Variants in ARHGEF28 observed in about 807,000 individuals in gnomAD.
ARHGEF28 encodes Rho guanine nucleotide exchange factor 28.
A neutral mutation model predicts 206.6 loss-of-function variants in ARHGEF28; 152 were observed. The observed-to-expected ratio is 0.74, with a 90% confidence interval of 0.64 to 0.84. ARHGEF28 has a LOEUF of 0.84. Ranked by LOEUF, ARHGEF28 falls within the 40% of genes least tolerant of loss-of-function variation. The probability of loss-of-function intolerance (pLI) is 0.00; values close to 1 mark genes in which losing one functional copy is unlikely to be tolerated. For missense variants in ARHGEF28, 2,028 were observed against 2,073.2 expected (o/e 0.98, Z 0.42); for synonymous variants, 763 against 776.4 (o/e 0.98, Z 0.29).
chr5:73,722,092 C>T (rs915718400), intron 2 of ARHGEF28, among the ~76,000 whole-genome samples: 4 of 152,142 alleles, frequency 2.6e-5, no homozygotes, highest in Non-Finnish European at 5.9e-5. Context: ...CAGTAGCACA[C>T]AGATATATCT....
chr5:73,800,390 CA>C (rs1211215641), intron 9 of ARHGEF28, among the ~76,000 whole-genome samples: 3 of 152,094 alleles, frequency 2.0e-5, no homozygotes, highest in Non-Finnish European at 4.4e-5. Flanking sequence ...TATTTCCCTC[CA>C]AACCCCCTTT....
At chr5:73,656,254 G>T (rs1745192362) in intron 1 of ARHGEF28, among the ~76,000 whole-genome samples, 1 of 152,190 alleles carries the variant, frequency 6.6e-6, no homozygotes, top group Non-Finnish European at 1.5e-5. Context: ...TTGGTGGGCA[G>T]AATAAAGCCC....
chr5:73,861,588 A>G (rs1334260402), intron 16 of ARHGEF28, among the ~76,000 whole-genome samples: 1 of 152,198 alleles, frequency 6.6e-6, no homozygotes, highest in Non-Finnish European at 1.5e-5. Context: ...ACATGCCACA[A>G]CACCCAGCTA....
chr5:73,768,552 C>T (rs1753041104), intron 4 of ARHGEF28, among the ~76,000 whole-genome samples: 1 of 152,088 alleles, frequency 6.6e-6, no homozygotes, highest in Non-Finnish European at 1.5e-5. Context: ...TTTGTTTTGG[C>T]CAATTTTTCC....
At chr5:73,631,091 C>G (rs1043305008) in intron 1 of ARHGEF28, among the ~76,000 whole-genome samples, 1 of 152,110 alleles carries the variant, frequency 6.6e-6, no homozygotes, top group Non-Finnish European at 1.5e-5. Context: ...CTGAAGAACC[C>G]CTCATGTAGA....
intron 1 of ARHGEF28, among the ~76,000 whole-genome samples, chr5:73,662,274 T>G (rs971023656): frequency 6.6e-6 from 1 of 152,230 alleles, no homozygotes; most frequent in African/African-American, 2.4e-5. Context: ...TAGTGTTGCT[T>G]TAGGAAACAC....
intron 9 of ARHGEF28, among the ~76,000 whole-genome samples, chr5:73,806,921 A>G (rs916267614): frequency 1.4e-5 from 2 of 147,588 alleles, no homozygotes; most frequent in South Asian, 2.1e-4. Context: ...TATAAAATCT[A>G]TATACAATAT....
At chr5:73,714,647 T>G (rs1749462712) in intron 2 of ARHGEF28, among the ~76,000 whole-genome samples, 2 of 152,236 alleles carry the variant, frequency 1.3e-5, no homozygotes, top group African/African-American at 4.8e-5. Context: ...ACTCTGTGTG[T>G]ATATATGCAT....
chr5:73,879,898 C>T (rs1189781147), intron 22 of ARHGEF28, among the ~76,000 whole-genome samples: 3 of 152,200 alleles, frequency 2.0e-5, no homozygotes, highest in Non-Finnish European at 4.4e-5. Flanking sequence ...CTTGAGGAGG[C>T]AGTCTGCCCG....
intron 9 of ARHGEF28, among the ~76,000 whole-genome samples, chr5:73,817,060 G>C (rs1443702503): frequency 1.3e-5 from 2 of 152,180 alleles, no homozygotes; most frequent in Non-Finnish European, 2.9e-5. Flanking sequence ...CTTTACCCAA[G>C]GTTCTCATAA....
At position 73,909,820 on chromosome 5, in the gene ARHGEF28, C is replaced by T; in HGVS notation, c.4570C>T (p.Gln1524Ter). 1 of 1,539,982 alleles carries T rather than the reference C, an allele frequency of 6.5e-7. No homozygotes were observed. The highest frequency in any genetic ancestry group is 1.2e-5 in the South Asian group (1 of 81,104). The change falls in exon 34 of 36, where the codon CAG (glutamine) becomes TAG (stop). Residue 1524 changes from glutamine (Q) to a stop codon, truncating the protein, a stop_gained. Coordinates refer to ENST00000513042, the MANE Select transcript of ARHGEF28 (RefSeq NM_001177693.2). LOFTEE classifies it high-confidence loss of function. The part of the protein sequence containing the change: ...VEREQARMRA[Q>*]QSLLGHWKHG... ...GAGGGAGCAGGCGAGGATGCGGGCC[C>T]AGCAGAGCCTGCTGGGCCACTGGAA...
intron 7 of ARHGEF28, among the ~76,000 whole-genome samples, chr5:73,792,089 C>T (rs1754516313): frequency 6.6e-6 from 1 of 152,056 alleles, no homozygotes; most frequent in Non-Finnish European, 1.5e-5. Flanking sequence ...CTGTTTAGTT[C>T]TAGGTTAATT....
At chr5:73,784,185 T>G (rs1754015064) in intron 7 of ARHGEF28, among the ~76,000 whole-genome samples, 1 of 151,870 alleles carries the variant, frequency 6.6e-6, no homozygotes, top group Non-Finnish European at 1.5e-5. Flanking sequence ...TATTAGAAGA[T>G]TCTTAGTAGA....
At chr5:73,709,657 TA>T (rs1248280815) in intron 2 of ARHGEF28, among the ~76,000 whole-genome samples, 5 of 152,178 alleles carry the variant, frequency 3.3e-5, no homozygotes, top group Non-Finnish European at 7.3e-5. Context: ...GCCTTGTAGA[TA>T]ATCACAAGAA....
chr5:73,889,347 G>A (rs1193497691), intron 26 of ARHGEF28, among the ~76,000 whole-genome samples: 3 of 152,206 alleles, frequency 2.0e-5, no homozygotes, highest in African/African-American at 7.2e-5. Flanking sequence ...GGAGTAGTGG[G>A]TCCCTACAAG....
chr5:73,876,307 A>G (rs1429156718), intron 22 of ARHGEF28, among the ~76,000 whole-genome samples: 1 of 93,710 alleles, frequency 1.1e-5, no homozygotes, highest in Admixed American at 1.1e-4. Context: ...TTATCAGCTT[A>G]AGGAGATTTT....
chr5:73,914,638 C>G (rs1039139482), intron 35 of ARHGEF28, among the ~76,000 whole-genome samples: 8 of 152,086 alleles, frequency 5.3e-5, no homozygotes, highest in African/African-American at 1.9e-4. Context: ...CTCAAGTAAT[C>G]CACTGGCCTT....
chr5:73,702,508 G>A (rs1465360391), intron 2 of ARHGEF28, among the ~76,000 whole-genome samples: 2 of 152,106 alleles, frequency 1.3e-5, no homozygotes, highest in Non-Finnish European at 2.9e-5. Flanking sequence ...GAACATTAAT[G>A]TACAAGTATC....
rs74819680 is a variant in ARHGEF28, at chr5:73,916,936, T to A, written c.4948+5361T>A. Among the ~76,000 whole-genome samples, 1,506 of 152,330 alleles carry A rather than the reference T, an allele frequency of 9.9e-3. 19 individuals carry two copies. The highest frequency in any genetic ancestry group is 0.034 in the African/African-American group (1,413 of 41,582). ...TAATAATAAAATTGTGATGAATATT[T>A]ATATCTGTATATTGATAGATATTGA... On this transcript the variant is annotated intron_variant, in intron 35 of 35. Transcript: ENST00000513042.
Sources: allele counts gnomAD v4.1 joint callset (sites outside exome capture counted in the v4.1 genomes callset), GRCh38; gene constraint gnomAD v4.1.1; transcripts MANE v1.5; gene names NCBI Gene and HGNC (gene_info 2026-07-23, HGNC 2026-07-21).